The following DOP1A variants were observed in gnomAD, a reference collection of about 807,000 sequenced individuals.
DOP1A encodes the protein DOP1 leucine zipper like protein A.
Under a neutral mutation model 267.6 loss-of-function variants are expected in DOP1A, and 90 were observed. That is an observed-to-expected ratio of 0.34 (90% CI 0.28 to 0.40). DOP1A has a LOEUF of 0.40. Among genes scored for constraint, DOP1A ranks in the 10% least tolerant of loss-of-function variants. The probability of loss-of-function intolerance (pLI) is 1.00; values close to 1 mark genes in which losing one functional copy is unlikely to be tolerated. For synonymous variants in DOP1A, 932 were observed against 999.1 expected, an observed-to-expected ratio of 0.93 and a Z score of 1.27; for missense variants, 2,437 against 2,900.4, an observed-to-expected ratio of 0.84 and a Z score of 3.67.
chr6:83,122,375 T>G (rs1776507624), intron 11 of DOP1A, among the ~76,000 whole-genome samples: 1 of 151,842 alleles, frequency 6.6e-6, no homozygotes, highest in African/African-American at 2.4e-5. Context: ...ACTAGTTGGT[T>G]TTGTTGTTGT....
intron 14 of DOP1A, 80 bp from the exon 15 acceptor site, chr6:83,125,420 T>C: frequency 7.8e-7 from 1 of 1,284,008 alleles, no homozygotes; most frequent in Non-Finnish European, 1.1e-6. Context: ...GTAAAATCAT[T>C]GCCTATTTAT....
At chr6:83,142,518 TAA>T (rs1779826032) in intron 24 of DOP1A, among the ~76,000 whole-genome samples, 1 of 150,730 alleles carries the variant, frequency 6.6e-6, no homozygotes, top group African/African-American at 2.4e-5. Context: ...AAAAAATAAA[TAA>T]ATAAAGATAA....
intron 38 of DOP1A, 168 bp from the exon 39 acceptor site, chr6:83,167,694 G>A: frequency 7.2e-7 from 1 of 1,385,236 alleles, no homozygotes; most frequent in Non-Finnish European, 9.3e-7. Context: ...ATAAATGGCA[G>A]TAAAAGGTCT....
intron 1 of DOP1A, among the ~76,000 whole-genome samples, chr6:83,089,069 A>G (rs9344338): frequency 0.65 from 99,256 of 152,092 alleles, 33,883 homozygotes; most frequent in Middle Eastern, 0.78. Flanking sequence ...AGAAACACTT[A>G]GTCCCCAGAT....
intron 1 of DOP1A, among the ~76,000 whole-genome samples, chr6:83,080,876 C>T (rs980119443): frequency 2.0e-5 from 3 of 152,138 alleles, no homozygotes; most frequent in African/African-American, 4.8e-5. Context: ...AGACCAATGA[C>T]ATTCTTCACA....
chr6:83,106,173 G>A (rs1487094245), intron 4 of DOP1A, among the ~76,000 whole-genome samples: 4 of 152,150 alleles, frequency 2.6e-5, no homozygotes, highest in Non-Finnish European at 4.4e-5. Context: ...TTACATGATA[G>A]AATACCATAT....
intron 1 of DOP1A, among the ~76,000 whole-genome samples, chr6:83,074,613 T>G (rs983376106): frequency 3.3e-5 from 5 of 152,222 alleles, no homozygotes; most frequent in Non-Finnish European, 5.9e-5. Flanking sequence ...TATTCAACAC[T>G]TTATTATAAA....
Position 83,096,939 on chromosome 6 carries a change from T to C in DOP1A, c.-39T>C. On this transcript the variant is annotated 5_prime_UTR_variant, in exon 3 of 39. It removes an upstream start codon present in the reference 5' UTR. Coordinates refer to ENST00000349129, the MANE Select transcript of DOP1A (RefSeq NM_015018.4). ...CTCTTTTGTAGGTAATGACTTTACA[T>C]GAGTTTGGAACTGGTCTCTAGTGGG... 1 of 1,601,768 alleles carries C rather than the reference T, an allele frequency of 6.2e-7. No homozygotes were observed. Among genetic ancestry groups the C allele is most frequent in the Non-Finnish European group, 8.5e-7 (1 of 1,175,114 alleles).
At chr6:83,126,102 T>G (rs1777111808) in intron 15 of DOP1A, among the ~76,000 whole-genome samples, 1 of 151,150 alleles carries the variant, frequency 6.6e-6, no homozygotes, top group African/African-American at 2.4e-5. Flanking sequence ...TTACATGATT[T>G]TTTTGTACTC....
At chr6:83,101,376 A>G (rs1772565869) in intron 4 of DOP1A, among the ~76,000 whole-genome samples, 1 of 152,168 alleles carries the variant, frequency 6.6e-6, no homozygotes, top group Non-Finnish European at 1.5e-5. Context: ...ACAGTCTTTA[A>G]TGTCTTTTTG....
intron 37 of DOP1A, 113 bp from the exon 38 acceptor site, chr6:83,162,677 A>T: frequency 8.1e-7 from 1 of 1,237,828 alleles, no homozygotes; most frequent in Non-Finnish European, 1.1e-6. Flanking sequence ...CACATCTGGC[A>T]TTTGAATTTT....
In DOP1A at chr6:83,142,183, T is replaced by C. The variant is rs1336798546; in HGVS notation, c.5541+137T>C. ...AAGTCTGTCGACAGCTTTAGATAAATTGTTGCCTTAATTTCTTTAAGTATT... is the reference window on the plus strand; with the variant it reads ...AAGTCTGTCGACAGCTTTAGATAAACTGTTGCCTTAATTTCTTTAAGTATT... On this transcript the variant is annotated intron_variant, in intron 24 of 38. Coordinates refer to ENST00000349129, the MANE Select transcript of DOP1A (RefSeq NM_015018.4). 2.7e-6 allele frequency: 3 copies of C among 1,119,568 alleles called. No individual in the cohort carries two copies. In the Admixed American group the frequency reaches 8.0e-5, roughly 30 times the overall value. The allele number at this position is 1,119,568 out of a possible 1,614,324, so 69.4% of individuals were successfully genotyped here.
chr6:83,088,537 A>G (rs567760307), intron 1 of DOP1A, among the ~76,000 whole-genome samples: 2 of 148,308 alleles, frequency 1.3e-5, no homozygotes, highest in African/African-American at 5.0e-5. Flanking sequence ...ATTCTCCTGC[A>G]TCACCCTCCC....
chr6:83,169,297 T>C (rs780767075), downstream of DOP1A: 3 of 1,613,890 alleles, frequency 1.9e-6, no homozygotes, highest in Admixed American at 3.3e-5. Flanking sequence ...CCAAGCTCAC[T>C]TCATGTGCAA....
chr6:83,082,825 T>G (rs1768366742), intron 1 of DOP1A, among the ~76,000 whole-genome samples: 1 of 151,780 alleles, frequency 6.6e-6, no homozygotes, highest in East Asian at 1.9e-4. Flanking sequence ...TTTTTTTTTT[T>G]GAGACCGAGT....
At chr6:83,139,931 TTTAC>T in intron 21 of DOP1A, 65 bp from the exon 22 acceptor site, 1 of 1,030,684 alleles carries the variant, frequency 9.7e-7, no homozygotes, top group Non-Finnish European at 1.5e-6. Context: ...ATTGTGAGTA[TTTAC>T]TAGTGATAAA....
In DOP1A at chr6:83,148,794, C is replaced by A. The variant is rs1781034647; in HGVS notation, c.5768C>A (p.Ser1923Ter). ...PVPNLVDSWA[S>*]LLILLKDSIQ... ...CCCAATTTAGTGGATAGCTGGGCGTCACTGTTGATACTTCTGAAAGACTCT... is the reference window on the plus strand; with the variant it reads ...CCCAATTTAGTGGATAGCTGGGCGTAACTGTTGATACTTCTGAAAGACTCT... Residue 1923 changes from serine to a stop codon, truncating the protein, a stop_gained, in exon 27 of 39, where the codon TCA becomes TAA. Coordinates refer to ENST00000349129, the MANE Select transcript of DOP1A (RefSeq NM_015018.4). LOFTEE classifies it high-confidence loss of function. 1.3e-6 allele frequency: 2 copies of A among 1,561,928 alleles called. No homozygotes were observed. Among genetic ancestry groups the A allele is most frequent in the African/African-American group, 1.4e-5 (1 of 70,920 alleles).
intron 7 of DOP1A, among the ~76,000 whole-genome samples, chr6:83,114,237 CTAAA>C (rs1336481113): frequency 9.9e-5 from 15 of 151,924 alleles, no homozygotes; most frequent in Admixed American, 9.2e-4. Context: ...ATATTAATAA[CTAAA>C]TAATTCTACT....
chr6:83,167,252 C>T lies in DOP1A; in HGVS notation c.7093-610C>T, dbSNP rs536853186. On this transcript the variant is annotated intron_variant, in intron 38 of 38. Transcript: ENST00000349129. ...CAGCACACTAACTCAATTCCTTTGA[C>T]TCCAGGTCCAGCTTTCCTCCCTATG... is the stretch of plus-strand genomic sequence containing the variant. 2.7e-4 allele frequency: 262 copies of T among 980,144 alleles called. No individual in the cohort carries two copies. The African/African-American group carries it at 4.1e-3, about 15-fold the overall frequency. 60.7% of individuals were successfully genotyped at this position (980,144 alleles called of 1,614,324 possible). A position where few individuals can be genotyped will look rare whatever the true frequency, so the allele number is the denominator to read the frequency against.
Sources: allele counts gnomAD v4.1 joint callset (sites outside exome capture counted in the v4.1 genomes callset), GRCh38; gene constraint gnomAD v4.1.1; transcripts MANE v1.5; gene names NCBI Gene and HGNC (gene_info 2026-07-23, HGNC 2026-07-21).